The following AGPS variants were observed in gnomAD, a reference collection of about 807,000 sequenced individuals.
The protein encoded by AGPS is alkyldihydroxyacetonephosphate synthase, peroxisomal.
In AGPS, 26 loss-of-function variants were observed where a neutral mutation model predicts 90.7. The observed-to-expected ratio is 0.29, with a 90% CI of 0.21 to 0.40. AGPS has a LOEUF of 0.40. AGPS is among the 10% of genes least tolerant of loss of function. The probability of loss-of-function intolerance (pLI) is 1.00; values close to 1 mark genes in which losing one functional copy is unlikely to be tolerated. For synonymous variants in AGPS, 294 were observed against 285.3 expected (o/e 1.03, Z -0.31); for missense variants, 540 against 816.1 (o/e 0.66, Z 4.12).
At chr2:177,463,923 C>CATTTTATTTTATTTT (rs1179638140) in intron 9 of AGPS, among the ~76,000 whole-genome samples, 1 of 151,974 alleles carries the variant, frequency 6.6e-6, no homozygotes, top group Non-Finnish European at 1.5e-5. Flanking sequence ...TTACTTAGTG[C>CATTTTATTTTATTTT]ATTTTATTTT....
chr2:177,436,707 A>C, intron 3 of AGPS, 57 bp from the exon 4 acceptor site: 1 of 1,561,706 alleles, frequency 6.4e-7, no homozygotes, highest in Non-Finnish European at 8.8e-7. Flanking sequence ...TCTCTAACTG[A>C]AGTACCCAAA....
intron 11 of AGPS, among the ~76,000 whole-genome samples, chr2:177,482,984 T>G (rs973436629): frequency 2.4e-4 from 37 of 152,162 alleles, no homozygotes; most frequent in Admixed American, 6.5e-5. Flanking sequence ...TTTTTTTTCT[T>G]TCTTCAAACT....
In AGPS at chr2:177,442,572, C is replaced by T. The variant is rs62184116; in HGVS notation, c.789+86C>T. The stretch of plus-strand genomic sequence containing the variant: ...ATTAAAAAAGAATCTAGCCACTGGG[C>T]GCTGTGGCTCACGCTTGTAATCCCA... On this transcript the variant is annotated intron_variant, in intron 7 of 19. Coordinates refer to ENST00000264167, the MANE Select transcript of AGPS (RefSeq NM_003659.4). The T allele has an allele frequency of 4.2e-3, 4,710 of 1,117,720 alleles. 16 individuals are homozygous for T. The highest frequency in any genetic ancestry group is 5.7e-3 in the Non-Finnish European group (4,301 of 757,408). The allele number at this position is 1,117,720 out of a possible 1,614,324, so 69.2% of individuals were successfully genotyped here.
At chr2:177,532,606 T>C (rs889589030) in intron 19 of AGPS, among the ~76,000 whole-genome samples, 3 of 152,172 alleles carry the variant, frequency 2.0e-5, no homozygotes, top group African/African-American at 4.8e-5. Flanking sequence ...CAAATGCACA[T>C]GTGAGCATTT....
rs1273105474 is a variant in AGPS at position 177,423,135 on chromosome 2, T to A, written c.350+2777T>A. ...AACTCATCCACTGTACTGATCTTGTTCTGTCTTCAAACCCTGGGAGCACTA... is the reference window on the plus strand; with the variant it reads ...AACTCATCCACTGTACTGATCTTGTACTGTCTTCAAACCCTGGGAGCACTA... On this transcript the variant is annotated intron_variant, in intron 2 of 19. Transcript: ENST00000264167. Among the ~76,000 whole-genome samples the A allele has an allele frequency of 3.7e-4, 27 of 73,714 alleles. 9 individuals carry two copies. The highest frequency in any genetic ancestry group is 7.7e-4 in the Non-Finnish European group (23 of 29,848). The allele number at this position is 73,714 out of a possible 152,430, so 48.4% of individuals were successfully genotyped here.
chr2:177,476,368 T>C (rs1687782099), intron 10 of AGPS, among the ~76,000 whole-genome samples: 1 of 152,156 alleles, frequency 6.6e-6, no homozygotes, highest in South Asian at 2.1e-4. Flanking sequence ...ATATTGTGTC[T>C]TCCTTTCCAT....
At chr2:177,406,987 G>T (rs1165218666) in intron 1 of AGPS, among the ~76,000 whole-genome samples, 1 of 152,198 alleles carries the variant, frequency 6.6e-6, no homozygotes, top group African/African-American at 2.4e-5. Context: ...GTAATAATTT[G>T]TACTCCTTGT....
intron 1 of AGPS, among the ~76,000 whole-genome samples, chr2:177,411,116 C>G (rs1270202077): frequency 6.6e-6 from 1 of 152,118 alleles, no homozygotes; most frequent in Non-Finnish European, 1.5e-5. Context: ...CCTGCTCTTT[C>G]TGATCTCTAT....
chr2:177,422,911 A>ATTAATTCACT (rs1559039733), intron 2 of AGPS, among the ~76,000 whole-genome samples: 1 of 16,328 alleles, frequency 6.1e-5, no homozygotes, highest in Non-Finnish European at 2.0e-4. Context: ...TTGAGTATCT[A>ATTAATTCACT]CTGAGTTACC....
chr2:177,421,473 T>A (rs968941215), intron 2 of AGPS, among the ~76,000 whole-genome samples: 8 of 152,106 alleles, frequency 5.3e-5, no homozygotes, highest in African/African-American at 1.9e-4. Flanking sequence ...TAATATTTTG[T>A]ACCTAAAATA....
intron 16 of AGPS, among the ~76,000 whole-genome samples, chr2:177,511,341 T>C (rs1379548139): frequency 6.6e-6 from 1 of 152,058 alleles, no homozygotes; most frequent in Non-Finnish European, 1.5e-5. Context: ...CAAGCGATCC[T>C]CCTGCATTGG....
intron 9 of AGPS, among the ~76,000 whole-genome samples, chr2:177,466,336 G>A (rs1354602817): frequency 6.6e-6 from 1 of 152,222 alleles, no homozygotes; most frequent in South Asian, 2.1e-4. Context: ...AGGGGAGGAA[G>A]TTTGTGCTGA....
chr2:177,487,633 A>G (rs1270860185), intron 11 of AGPS, among the ~76,000 whole-genome samples: 2 of 152,172 alleles, frequency 1.3e-5, no homozygotes, highest in East Asian at 3.8e-4. Flanking sequence ...CTTTTTATTC[A>G]ACAGTAATTC....
At chr2:177,415,464 C>T (rs1422456170) in intron 1 of AGPS, among the ~76,000 whole-genome samples, 4 of 152,156 alleles carry the variant, frequency 2.6e-5, no homozygotes, top group Non-Finnish European at 4.4e-5. Context: ...ATTTAAGCCA[C>T]TTTGCATTAT....
intron 2 of AGPS, among the ~76,000 whole-genome samples, chr2:177,429,301 C>T (rs1000578135): frequency 1.3e-5 from 2 of 152,164 alleles, no homozygotes; most frequent in Non-Finnish European, 2.9e-5. Flanking sequence ...CATCTGAAGC[C>T]TACTTCTGTG....
intron 16 of AGPS, among the ~76,000 whole-genome samples, chr2:177,510,093 CCAGTTTGGCCTGCTATA>C (rs1574021544): frequency 6.6e-6 from 1 of 152,186 alleles, no homozygotes; most frequent in Non-Finnish European, 1.5e-5. Flanking sequence ...GGTATCTTAG[CCAGTTTGGCCTGCTATA>C]CAGAGCACCT....
In AGPS at chr2:177,523,088, C is replaced by A. The variant is rs192654019; in HGVS notation, c.1798-660C>A. ...GTAAAACGAGGTTTTTCTTTTCACT[C>A]TTAGGTATCCATAAGACTGACAAGT... On this transcript the variant is annotated intron_variant, in intron 18 of 19. Transcript: ENST00000264167. Among the ~76,000 whole-genome samples, 467 of 152,192 alleles carry A rather than the reference C, an allele frequency of 3.1e-3. 6 individuals are homozygous for A. The Middle Eastern group carries it at 0.044, about 14-fold the overall frequency.
chr2:177,523,861 T>G (rs563129567), intron 19 of AGPS, 56 bp downstream of exon 19: 4 of 1,406,686 alleles, frequency 2.8e-6, no homozygotes, highest in African/African-American at 2.8e-5. Context: ...AATATTCAGT[T>G]CAGTAAAATG....
chr2:177,411,317 A>G (rs1685614292), intron 1 of AGPS, among the ~76,000 whole-genome samples: 1 of 152,222 alleles, frequency 6.6e-6, no homozygotes, highest in Admixed American at 6.5e-5. Context: ...TAGTCTCTCC[A>G]GAAACGTGGT....
Sources: gnomAD v4.1 joint callset for allele counts (sites outside exome capture counted in the v4.1 genomes callset) on GRCh38, gnomAD v4.1.1 for gene constraint, MANE v1.5 for transcripts, NCBI Gene and HGNC (gene_info 2026-07-23, HGNC 2026-07-21) for gene names.